Variants in RADIL observed in about 807,000 individuals in gnomAD.
The protein encoded by RADIL is ras-associating and dilute domain-containing protein.
RADIL carries 99 observed loss-of-function variants against 97.6 expected under a neutral mutation model. The ratio of observed to expected loss-of-function variants is 1.01; its 90% CI spans 0.86 to 1.20. RADIL has a LOEUF of 1.20. Among genes scored for constraint, RADIL ranks in the 50% most tolerant of loss-of-function variants. The probability of loss-of-function intolerance (pLI) is 0.00; values close to 1 mark genes in which losing one functional copy is unlikely to be tolerated. For missense variants in RADIL, 1,765 were observed against 1,498.9 expected, an observed-to-expected ratio of 1.18 and a Z score of -2.93; for synonymous variants, 803 against 691.8, an observed-to-expected ratio of 1.16 and a Z score of -2.52.
chr7:4,862,146 A>C (rs1441382055), intron 2 of RADIL, among the ~76,000 whole-genome samples: 1 of 152,216 alleles, frequency 6.6e-6, no homozygotes, highest in African/African-American at 2.4e-5. Context: ...GGGGGTGGGC[A>C]GGATTCACGT....
At chr7:4,805,309 G>C in intron 10 of RADIL, 2 of 430,572 alleles carry the variant, frequency 4.6e-6, no homozygotes, top group Non-Finnish European at 4.1e-6. Context: ...AGGGGGCCTT[G>C]GACCTGAGCC....
At chr7:4,807,677 CTCTCCT>C (rs1398463870) in intron 9 of RADIL, among the ~76,000 whole-genome samples, 175 of 88,506 alleles carry the variant, frequency 2.0e-3, no homozygotes, top group Non-Finnish European at 3.1e-3. Context: ...TCCCTCCTCC[CTCTCCT>C]TCTCTCCATC....
In RADIL at chr7:4,821,589, G is replaced by T. The variant is rs1182765007; in HGVS notation, c.1615+805C>A. 1.3e-5 allele frequency among the ~76,000 whole-genome samples: 2 copies of T among 152,140 alleles called. No individual in the cohort carries two copies. The highest frequency in any genetic ancestry group is 2.9e-5 in the Non-Finnish European group (2 of 68,020). On this transcript the variant is annotated intron_variant, in intron 6 of 14. Transcript: ENST00000399583. The surrounding 1 kb of genome is among the most constrained non-coding windows in gnomAD (Gnocchi z 5.2). ...TCAGAAATCCTGAAATGGTGGCCAGGCACGGTGGCTCATGCCTGTAATCCC... is the reference window on the plus strand; with the variant it reads ...TCAGAAATCCTGAAATGGTGGCCAGTCACGGTGGCTCATGCCTGTAATCCC...
chr7:4,876,667 C>A (rs1450980921), intron 2 of RADIL, among the ~76,000 whole-genome samples: 1 of 152,222 alleles, frequency 6.6e-6, no homozygotes, highest in African/African-American at 2.4e-5. Flanking sequence ...GAATAAATCA[C>A]CAGACACAGT....
chr7:4,839,217 T>C (rs1309164169), intron 2 of RADIL, among the ~76,000 whole-genome samples: 1 of 152,240 alleles, frequency 6.6e-6, no homozygotes, highest in Non-Finnish European at 1.5e-5. Flanking sequence ...TTTCTATATA[T>C]GTGCATGCAA....
intron 2 of RADIL, chr7:4,865,445 C>T (rs1784110259): frequency 1.4e-6 from 1 of 724,736 alleles, no homozygotes; most frequent in Non-Finnish European, 2.5e-6. Context: ...CCTTGTCTTC[C>T]TCCTCTTCTT....
intron 4 of RADIL, among the ~76,000 whole-genome samples, chr7:4,832,742 A>C (rs1783182608): frequency 1.5e-5 from 1 of 65,792 alleles, no homozygotes; most frequent in Non-Finnish European, 3.7e-5. Context: ...CCGTCTCAGC[A>C]AAAAAAAAAA....
At chr7:4,882,797 A>G (rs759690496) in intron 1 of RADIL, among the ~76,000 whole-genome samples, 4 of 152,198 alleles carry the variant, frequency 2.6e-5, no homozygotes, top group Non-Finnish European at 5.9e-5. Flanking sequence ...AGGGACTTTC[A>G]AGACTGGTTC....
At chr7:4,876,284 C>T (rs1024179394) in intron 2 of RADIL, among the ~76,000 whole-genome samples, 36 of 151,678 alleles carry the variant, frequency 2.4e-4, no homozygotes, top group African/African-American at 7.8e-4. Flanking sequence ...CCACCACACC[C>T]GGCCAAATTT....
rs933424307 is a variant in RADIL at position 4,840,840 on chromosome 7, G to A, written c.536-4235C>T. Among the ~76,000 whole-genome samples, 3 of 152,232 alleles carry A rather than the reference G, an allele frequency of 2.0e-5. No homozygotes were observed. The highest frequency in any genetic ancestry group is 4.8e-5 in the African/African-American group (2 of 41,550). On this transcript the variant is annotated intron_variant, in intron 2 of 14. Coordinates refer to ENST00000399583, the MANE Select transcript of RADIL (RefSeq NM_018059.5). This position sits in a 1 kb window ranked among gnomAD's most constrained non-coding sequence, Gnocchi z 5.6. ...AACTTAGCTGGGCGTGGAGGTGGGC[G>A]CCTGTAGTCCCGGCTACTCGAGAGG... is the stretch of plus-strand genomic sequence containing the variant.
rs1180479658 is a variant in RADIL, at chr7:4,818,387, T to G, written c.1616-1036A>C. Among the ~76,000 whole-genome samples, 1 of 152,188 alleles carries G rather than the reference T, an allele frequency of 6.6e-6. No homozygotes were observed. Among genetic ancestry groups the G allele is most frequent in the Non-Finnish European group, 1.5e-5 (1 of 68,018 alleles). On this transcript the variant is annotated intron_variant, in intron 6 of 14. Coordinates refer to ENST00000399583, the MANE Select transcript of RADIL (RefSeq NM_018059.5). This position sits in a 1 kb window ranked among gnomAD's most constrained non-coding sequence, Gnocchi z 7.1. ...GCCCTTGGACAAGCCCCTGTCACTT[T>G]CGCTCTGCCGCTCCTGGTGCTCCTC...
intron 2 of RADIL, 91 bp downstream of exon 2, chr7:4,877,514 T>C: frequency 7.1e-7 from 1 of 1,411,552 alleles, no homozygotes; most frequent in Non-Finnish European, 9.6e-7. Flanking sequence ...GCCCCACGCA[T>C]GTCCCCTGCA....
intron 2 of RADIL, among the ~76,000 whole-genome samples, chr7:4,869,532 A>C (rs569603126): frequency 7.8e-6 from 1 of 127,462 alleles, no homozygotes; most frequent in East Asian, 2.1e-4. Flanking sequence ...GAAGGACCCA[A>C]TTTCCTTTTT....
chr7:4,827,399 C>T (rs1171759710), intron 5 of RADIL, among the ~76,000 whole-genome samples: 1 of 151,454 alleles, frequency 6.6e-6, no homozygotes, highest in Non-Finnish European at 1.5e-5. Flanking sequence ...GTGGCTCACG[C>T]CTGTAATCCC....
chr7:4,808,453 C>A (rs753835674), intron 9 of RADIL: 4 of 401,622 alleles, frequency 1.0e-5, no homozygotes, highest in Non-Finnish European at 1.3e-5. Flanking sequence ...CAGGGGTCAT[C>A]AAACTAGGGC....
intron 13 of RADIL, 128 bp downstream of exon 13, chr7:4,800,043 C>T (rs1782027706): frequency 1.5e-6 from 2 of 1,367,712 alleles, no homozygotes; most frequent in Non-Finnish European, 1.9e-6. Context: ...CTGCAGAGGC[C>T]AACCCCACTC....
rs1388220020 is a variant in RADIL at position 4,829,667 on chromosome 7, T to G, written c.1454+2474A>C. ...AGGGACGCGGTGGGTGGTAACTGAG[T>G]CATGGGGGCGGGTCTTTGCCATGCT... On this transcript the variant is annotated intron_variant, in intron 5 of 14. Transcript: ENST00000399583. Among the ~76,000 whole-genome samples, 6 of 151,976 alleles carry G rather than the reference T, an allele frequency of 3.9e-5. 1 individual carries two copies. The highest frequency in any genetic ancestry group is 3.3e-4 in the Admixed American group (5 of 15,248).
chr7:4,805,410 G>C (rs968656796), intron 10 of RADIL, 156 bp downstream of exon 10: 1 of 796,956 alleles, frequency 1.3e-6, no homozygotes, highest in Non-Finnish European at 1.7e-6. Context: ...GGGGCGGGGC[G>C]GGGGGGTCCT....
chr7:4,826,077 G>A (rs1444425630), intron 5 of RADIL, among the ~76,000 whole-genome samples: 1 of 151,370 alleles, frequency 6.6e-6, no homozygotes, highest in African/African-American at 2.4e-5. Context: ...GCATGGTGGT[G>A]CATGCCTGTA....
Sources: gnomAD v4.1 joint callset for allele counts (sites outside exome capture counted in the v4.1 genomes callset) on GRCh38, gnomAD v4.1.1 for gene constraint, Gnocchi (gnomAD v3.1) non-coding constraint, MANE v1.5 for transcripts, NCBI Gene and HGNC (gene_info 2026-07-23, HGNC 2026-07-21) for gene names.